MAZ: variants seen among roughly 807,000 people sequenced by gnomAD.
The protein encoded by MAZ is myc-associated zinc finger protein.
In MAZ, 4 loss-of-function variants were observed where a neutral mutation model predicts 32.7. That is an observed-to-expected ratio of 0.12 (90% CI 0.06 to 0.28). The LOEUF (loss-of-function observed/expected upper bound fraction) is 0.28. Among genes scored for constraint, MAZ ranks in the 10% least tolerant of loss-of-function variants. The pLI, the probability that MAZ is intolerant of heterozygous loss-of-function variation, is 1.00. For synonymous variants in MAZ, 510 were observed against 297.6 expected (o/e 1.71, Z -7.35); for missense variants, 763 against 667.2 (o/e 1.14, Z -1.58).
intron 4 of MAZ, chr16:29,809,710 G>A: frequency 6.7e-7 from 1 of 1,487,344 alleles, no homozygotes; most frequent in Non-Finnish European, 8.9e-7. Flanking sequence ...CCCTGTCCCG[G>A]GAGACGCCCC....
chr16:29,808,076 T>A (rs1567370231), intron 2 of MAZ, 154 bp from the exon 3 acceptor site: 1 of 973,454 alleles, frequency 1.0e-6, no homozygotes, highest in Admixed American at 2.4e-5. Context: ...CAGCGGCTGC[T>A]GGGCTCCAGG....
intron 2 of MAZ, 154 bp from the exon 3 acceptor site, chr16:29,808,076 T>G (rs1567370231): frequency 1.0e-6 from 1 of 973,454 alleles, no homozygotes; most frequent in Non-Finnish European, 1.5e-6. Context: ...CAGCGGCTGC[T>G]GGGCTCCAGG....
In MAZ at chr16:29,808,719, T is replaced by C. The variant is rs1596875276; in HGVS notation, c.1257T>C (p.His419=). The change falls in exon 4 of 5, where the codon CAT becomes CAC. Residue 419 remains histidine, a synonymous_variant. Coordinates refer to ENST00000322945, the MANE Select transcript of MAZ (RefSeq NM_002383.4). ...HMKVHSQGPH[H]VCELCNKGTG... ...AGGTGCACAGCCAGGGTCCTCACCA[T>C]GTCTGTGAGCTCTGCAACAAAGGTA... The C allele has an allele frequency of 1.9e-6, 3 of 1,613,876 alleles. No homozygotes were observed. The highest frequency in any genetic ancestry group is 2.5e-6 in the Non-Finnish European group (3 of 1,179,962).
At position 29,810,811 on chromosome 16, in the gene MAZ, G is replaced by T. The variant is rs1899916738; in HGVS notation, c.*580G>T. ...AAGGTGGTATGGGGGGTTGGGGTCA[G>T]GCCCTGAACATCGTCCTACTTGAGA... On this transcript the variant is annotated 3_prime_UTR_variant, in exon 5 of 5. Coordinates refer to ENST00000322945, the MANE Select transcript of MAZ (RefSeq NM_002383.4). 2.9e-6 allele frequency: 1 copy of T among 349,108 alleles called. No individual in the cohort carries two copies. Among genetic ancestry groups the T allele is most frequent in the Non-Finnish European group, 5.6e-6 (1 of 179,400 alleles). The allele number at this position is 349,108 out of a possible 1,614,324, so 21.6% of individuals were successfully genotyped here.
At position 29,807,141 on chromosome 16, in the gene MAZ, C is replaced by A; in HGVS notation, c.356C>A (p.Ala119Asp). The A allele has an allele frequency of 1.9e-6, 2 of 1,054,042 alleles. No homozygotes were observed. Among genetic ancestry groups the A allele is most frequent in the Non-Finnish European group, 2.3e-6 (2 of 852,466 alleles). 65.3% of individuals were successfully genotyped at this position (1,054,042 alleles called of 1,614,324 possible). A position where few individuals can be genotyped will look rare whatever the true frequency, so the allele number is the denominator to read the frequency against. ...VAAAPPAPAA[A>D]STVDTAALKQ... ...GCCGCGCCCCCGGCCCCTGCCGCCG[C>A]CTCTACGGTGGACACAGCGGCCCTG... Residue 119 changes from alanine to aspartate, a missense_variant, in exon 2 of 5, where the codon GCC (alanine) becomes GAC (aspartate). Ala to Asp is a moderately radical substitution (Grantham distance 126). Transcript: ENST00000322945.
intron 4 of MAZ, 53 bp from the exon 5 acceptor site, chr16:29,810,024 A>G (rs1453177037): frequency 1.1e-5 from 17 of 1,570,052 alleles, no homozygotes; most frequent in Non-Finnish European, 1.5e-5. Context: ...GGGTGAGGGC[A>G]AGGCTCTTGC....
At position 29,810,289 on chromosome 16, in the gene MAZ, T is replaced by A; in HGVS notation, c.*58T>A. On this transcript the variant is annotated 3_prime_UTR_variant, in exon 5 of 5. Transcript: ENST00000322945. ...TGGAGTAGAGTCCCTTGGTACAAGC[T>A]CCTCTCCCCCCTCTTTTCCCACCAA... 6.7e-7 allele frequency: 1 copy of A among 1,495,928 alleles called. No homozygotes were observed. The highest frequency in any genetic ancestry group is 1.2e-5 in the South Asian group (1 of 83,194). The allele number at this position is 1,495,928 out of a possible 1,614,324, so 92.7% of individuals were successfully genotyped here. A position where few individuals can be genotyped will look rare whatever the true frequency, so the allele number is the denominator to read the frequency against.
intron 4 of MAZ, chr16:29,809,176 G>C (rs929223852): frequency 1.2e-5 from 6 of 491,956 alleles, no homozygotes; most frequent in Non-Finnish European, 2.2e-5. Context: ...CAGACTCACC[G>C]GTTAACTGGG....
intron 4 of MAZ, chr16:29,809,756 A>C: frequency 1.4e-6 from 2 of 1,412,774 alleles, no homozygotes; most frequent in Non-Finnish European, 1.9e-6. Context: ...GGACCCCCGC[A>C]CCCACCAGGC....
intron 4 of MAZ, 137 bp from the exon 5 acceptor site, chr16:29,809,940 G>C: frequency 7.1e-7 from 1 of 1,409,802 alleles, no homozygotes; most frequent in Non-Finnish European, 9.6e-7. Flanking sequence ...TGAGGATGCA[G>C]GCTGAGGCCT....
chr16:29,809,451 G>T (rs971371367), intron 4 of MAZ: 1 of 827,550 alleles, frequency 1.2e-6, no homozygotes, highest in African/African-American at 1.7e-5. Context: ...GGCCATCTGA[G>T]GAGGGCATCC....
In MAZ at chr16:29,809,726, C is replaced by T. The variant is rs753617054; in HGVS notation, c.1280-351C>T. 108 of 1,463,638 alleles carry T rather than the reference C, an allele frequency of 7.4e-5. No homozygotes were observed. Among genetic ancestry groups the T allele is most frequent in the Non-Finnish European group, 9.5e-5 (105 of 1,107,874 alleles). The allele number at this position is 1,463,638 out of a possible 1,614,324, so 90.7% of individuals were successfully genotyped here. ...CCTGTCCCGGGAGACGCCCCCCAGCCACAGCCCACCTGCTGAGGGGGACCC... is the reference window on the plus strand; with the variant it reads ...CCTGTCCCGGGAGACGCCCCCCAGCTACAGCCCACCTGCTGAGGGGGACCC... On this transcript the variant is annotated intron_variant, in intron 4 of 4. Transcript: ENST00000322945.
chr16:29,808,920 T>C, intron 4 of MAZ, 179 bp downstream of exon 4: 1 of 611,754 alleles, frequency 1.6e-6, no homozygotes, highest in Non-Finnish European at 2.8e-6. Flanking sequence ...CTCTAAGAAG[T>C]CCTGGTTGGA....
rs551921560 is a variant in MAZ, at chr16:29,809,131, A to T, written c.1279+390A>T. The T allele has an allele frequency of 1.6e-5, 8 of 505,422 alleles. No homozygotes were observed. The Admixed American group carries it at 2.3e-4, about 14-fold the overall frequency. The allele number at this position is 505,422 out of a possible 1,614,324, so 31.3% of individuals were successfully genotyped here. On this transcript the variant is annotated intron_variant, in intron 4 of 4. Transcript: ENST00000322945. ...CACGGGCCGGGCTTTACCAGCACGC[A>T]CCCTGCACGGGTAGCAGAGAAAGCT...
chr16:29,810,545 A>C lies in MAZ; in HGVS notation c.*314A>C. 1 of 699,658 alleles carries C rather than the reference A, an allele frequency of 1.4e-6. No individual in the cohort carries two copies. Among genetic ancestry groups the C allele is most frequent in the Non-Finnish European group, 2.6e-6 (1 of 383,628 alleles). 43.3% of individuals were successfully genotyped at this position (699,658 alleles called of 1,614,324 possible). A position where few individuals can be genotyped will look rare whatever the true frequency, so the allele number is the denominator to read the frequency against. On this transcript the variant is annotated 3_prime_UTR_variant, in exon 5 of 5. Coordinates refer to ENST00000322945, the MANE Select transcript of MAZ (RefSeq NM_002383.4). The stretch of plus-strand genomic sequence containing the variant: ...TACCCCCTCTCCTCTCTGTAAGCCC[A>C]TGCCCTGTCTTCCCAGGGACTTGTG...
At chr16:29,806,338 C>A (rs1352345322), upstream of MAZ, among the ~76,000 whole-genome samples, 2 of 93,368 alleles carry the variant, frequency 2.1e-5, no homozygotes, top group African/African-American at 8.5e-5. Context: ...GCCGGCTGGG[C>A]GCGCGCGCGG....
In MAZ at chr16:29,809,325, G is replaced by A. The variant is rs576065877; in HGVS notation, c.1279+584G>A. ...GGAGAATGAGTTCTGTAGGTACCAA[G>A]GCTGAGAAGCGGGCACCACACAAGC... is the stretch of plus-strand genomic sequence containing the variant. On this transcript the variant is annotated intron_variant, in intron 4 of 4. Coordinates refer to ENST00000322945, the MANE Select transcript of MAZ (RefSeq NM_002383.4). 9 of 580,200 alleles carry A rather than the reference G, an allele frequency of 1.6e-5. No individual in the cohort carries two copies. In the South Asian group the frequency reaches 1.7e-4, roughly 11 times the overall value. The allele number at this position is 580,200 out of a possible 1,614,324, so 35.9% of individuals were successfully genotyped here. A position where few individuals can be genotyped will look rare whatever the true frequency, so the allele number is the denominator to read the frequency against.
intron 1 of MAZ, 25 bp from the exon 2 acceptor site, chr16:29,806,953 C>A: frequency 9.0e-7 from 1 of 1,115,396 alleles, no homozygotes; most frequent in Non-Finnish European, 1.1e-6. Context: ...GCACCCGCGG[C>A]CCACTCGGCG....
At position 29,807,052 on chromosome 16, in the gene MAZ, C is replaced by T. The variant is rs1399890593; in HGVS notation, c.267C>T (p.Leu89=). Residue 89 remains leucine (L), a synonymous_variant, in exon 2 of 5, where the codon CTC becomes CTT. Transcript: ENST00000322945. ...TCCAGGTGGACTTGCTCCCGGTGCT[C>T]GCCGCCGCCCAGGAGTCCGCCGCGG... ...EPLQVDLLPV[L]AAAQESAAAA... 9.9e-7 allele frequency: 1 copy of T among 1,013,996 alleles called. No individual in the cohort carries two copies. Among genetic ancestry groups the T allele is most frequent in the Non-Finnish European group, 1.2e-6 (1 of 852,648 alleles). 62.8% of individuals were successfully genotyped at this position (1,013,996 alleles called of 1,614,324 possible).
Sources: allele counts gnomAD v4.1 joint callset (sites outside exome capture counted in the v4.1 genomes callset), GRCh38; gene constraint gnomAD v4.1.1; transcripts MANE v1.5; gene names NCBI Gene and HGNC (gene_info 2026-07-23, HGNC 2026-07-21).